COX7B2: variants seen among roughly 807,000 people sequenced by gnomAD.
COX7B2 encodes cytochrome c oxidase subunit 7B2.
For missense variants in COX7B2, 109 were observed against 95.9 expected (o/e 1.14, Z -0.57); for synonymous variants, 37 against 32.1 (o/e 1.15, Z -0.51).
At chr4:46,753,332 T>C (rs1296942555) in intron 2 of COX7B2, among the ~76,000 whole-genome samples, 5 of 152,070 alleles carry the variant, frequency 3.3e-5, no homozygotes, top group Non-Finnish European at 5.9e-5. Context: ...GTCTTGCTAG[T>C]GGTCTATCAA....
At chr4:46,867,412 A>G (rs918974172) in intron 1 of COX7B2, among the ~76,000 whole-genome samples, 4 of 152,230 alleles carry the variant, frequency 2.6e-5, no homozygotes, top group Non-Finnish European at 5.9e-5. Flanking sequence ...AATGGTGTCA[A>G]AGGCTGTCTC....
chr4:46,839,872 A>G (rs1052925437), intron 2 of COX7B2, among the ~76,000 whole-genome samples: 1 of 152,046 alleles, frequency 6.6e-6, no homozygotes, highest in Admixed American at 6.6e-5. Context: ...TGGTTGTTGA[A>G]TTAAAAAATA....
chr4:46,750,246 T>TCACACACACACAC (rs1715286060), intron 2 of COX7B2, among the ~76,000 whole-genome samples: 1 of 54,466 alleles, frequency 1.8e-5, no homozygotes, highest in Non-Finnish European at 4.4e-5. Context: ...ACACACACAT[T>TCACACACACACAC]ATCCAGGTGT....
intron 2 of COX7B2, among the ~76,000 whole-genome samples, chr4:46,741,595 C>A (rs1417981277): frequency 6.6e-6 from 1 of 152,040 alleles, no homozygotes; most frequent in Non-Finnish European, 1.5e-5. Context: ...ATCCTGGTCC[C>A]TACCATGGGA....
chr4:46,819,052 G>A (rs1334980771), intron 2 of COX7B2, among the ~76,000 whole-genome samples: 1 of 152,160 alleles, frequency 6.6e-6, no homozygotes, highest in Non-Finnish European at 1.5e-5. Context: ...ACTTTGGTAT[G>A]TTCACAATCA....
intron 1 of COX7B2, among the ~76,000 whole-genome samples, chr4:46,859,014 C>T (rs1717183075): frequency 3.3e-5 from 5 of 152,114 alleles, no homozygotes; most frequent in Admixed American, 3.3e-4. Flanking sequence ...CTAGATCTGT[C>T]AACTTACGAT....
chr4:46,789,945 T>C (rs1717949915), intron 2 of COX7B2, among the ~76,000 whole-genome samples: 1 of 152,074 alleles, frequency 6.6e-6, no homozygotes, highest in African/African-American at 2.4e-5. Flanking sequence ...CTCTCTGGAA[T>C]TGTGACTTAG....
intron 2 of COX7B2, among the ~76,000 whole-genome samples, chr4:46,783,090 TG>T (rs1717568529): frequency 6.6e-6 from 1 of 152,204 alleles, no homozygotes; most frequent in South Asian, 2.1e-4. Flanking sequence ...CCACTAAAAA[TG>T]GGGTACATGA....
chr4:46,760,425 G>A (rs551900241), intron 2 of COX7B2, among the ~76,000 whole-genome samples: 3 of 152,256 alleles, frequency 2.0e-5, no homozygotes, highest in East Asian at 1.9e-4. Flanking sequence ...GATGAAGCTG[G>A]AAACCATCAT....
At chr4:46,827,283 A>T (rs1345102487) in intron 2 of COX7B2, among the ~76,000 whole-genome samples, 2 of 152,132 alleles carry the variant, frequency 1.3e-5, no homozygotes, top group East Asian at 3.8e-4. Flanking sequence ...TCCAAATAGG[A>T]TAAATACAAA....
chr4:46,899,971 T>C (rs901679744), intron 1 of COX7B2, among the ~76,000 whole-genome samples: 2 of 152,154 alleles, frequency 1.3e-5, no homozygotes, highest in Non-Finnish European at 2.9e-5. Context: ...TCCTTCAACA[T>C]GGAAATATAT....
chr4:46,767,063 G>A (rs150542091), intron 2 of COX7B2, among the ~76,000 whole-genome samples: 23 of 152,312 alleles, frequency 1.5e-4, no homozygotes, highest in African/African-American at 4.6e-4. Context: ...CAAAAGGTAT[G>A]GAGTAACTGA....
chr4:46,755,116 G>A (rs1715703067), intron 2 of COX7B2, among the ~76,000 whole-genome samples: 1 of 151,808 alleles, frequency 6.6e-6, no homozygotes, highest in Non-Finnish European at 1.5e-5. Flanking sequence ...ACCCCAGGGA[G>A]TAAAGGATGG....
chr4:46,876,110 A>G (rs1577685436), intron 1 of COX7B2, among the ~76,000 whole-genome samples: 1 of 152,154 alleles, frequency 6.6e-6, no homozygotes, highest in African/African-American at 2.4e-5. Flanking sequence ...AACACACTAC[A>G]TCTTATGGAT....
At chr4:46,876,793 T>C (rs1718369530) in intron 1 of COX7B2, 1 of 152,210 alleles carries the variant, frequency 6.6e-6, no homozygotes, top group Non-Finnish European at 1.5e-5. Flanking sequence ...ATGAGAGAAT[T>C]AAAAGATAAG....
chr4:46,877,253 G>A lies in COX7B2; in HGVS notation c.-105+31907C>T, dbSNP rs560428876. On this transcript the variant is annotated intron_variant, in intron 1 of 2. Transcript: ENST00000355591. ...TTACACATGAGGAAACATAGTGCTA[G>A]CTTGTTATGTGACTGAGCTGAGGTT... is the stretch of plus-strand genomic sequence containing the variant. 8.5e-5 allele frequency among the ~76,000 whole-genome samples: 13 copies of A among 152,292 alleles called. No homozygotes were observed. The East Asian group carries it at 1.9e-3, about 23-fold the overall frequency.
chr4:46,742,982 A>G (rs1390036984), intron 2 of COX7B2, among the ~76,000 whole-genome samples: 4 of 152,138 alleles, frequency 2.6e-5, no homozygotes, highest in African/African-American at 9.7e-5. Flanking sequence ...CTCATTAAGT[A>G]CCCATAATAT....
At chr4:46,871,822 C>T (rs1325753236) in intron 1 of COX7B2, among the ~76,000 whole-genome samples, 1 of 151,512 alleles carries the variant, frequency 6.6e-6, no homozygotes, top group Non-Finnish European at 1.5e-5. Flanking sequence ...AAAAAAATAC[C>T]AGATACTGGC....
chr4:46,874,794 T>C (rs1025646295), intron 1 of COX7B2, among the ~76,000 whole-genome samples: 7 of 152,188 alleles, frequency 4.6e-5, no homozygotes, highest in African/African-American at 1.4e-4. Flanking sequence ...TTTCTCAACA[T>C]TGATATTTTT....
Sources: gnomAD v4.1 joint callset for allele counts (sites outside exome capture counted in the v4.1 genomes callset) on GRCh38, gnomAD v4.1.1 for gene constraint, MANE v1.5 for transcripts, NCBI Gene and HGNC (gene_info 2026-07-23, HGNC 2026-07-21) for gene names.